HMCN1: variants seen among roughly 807,000 people sequenced by gnomAD.
HMCN1 encodes the protein hemicentin 1.
A neutral mutation model predicts 625.9 loss-of-function variants in HMCN1; 321 were observed. The ratio of observed to expected loss-of-function variants is 0.51; its 90% CI spans 0.47 to 0.56. The LOEUF (loss-of-function observed/expected upper bound fraction) is 0.56. Ranked by LOEUF, HMCN1 falls within the 20% of genes least tolerant of loss-of-function variation. The pLI is 0.00. For missense variants in HMCN1, 6,588 were observed against 6,887.3 expected, an observed-to-expected ratio of 0.96 and a Z score of 1.54; for synonymous variants, 2,425 against 2,417.6, an observed-to-expected ratio of 1.00 and a Z score of -0.09.
chr1:186,169,520 C>T (rs1332897960), intron 100 of HMCN1, among the ~76,000 whole-genome samples: 3 of 152,112 alleles, frequency 2.0e-5, no homozygotes, highest in East Asian at 3.9e-4. Flanking sequence ...GAACAGAGGC[C>T]TCAGAAATAA....
In HMCN1 at chr1:185,864,567, G is replaced by A. The variant is rs146401446; in HGVS notation, c.437G>A (p.Arg146Gln). 8.7e-4 allele frequency: 1,405 copies of A among 1,613,756 alleles called. No homozygotes were observed. The highest frequency in any genetic ancestry group is 1.1e-3 in the Non-Finnish European group (1,244 of 1,179,950). Reference sequence around the variant, plus strand: ...TTCATCTATGTTTTCACTGATGCTCGGTCCAAAGATTACCGGCTCACCCAT... The same window carrying A: ...TTCATCTATGTTTTCACTGATGCTCAGTCCAAAGATTACCGGCTCACCCAT... ...GSFIYVFTDARSKDYRLTHEV... is the reference protein window; with the variant it reads ...GSFIYVFTDAQSKDYRLTHEV... Residue 146 changes from arginine (R) to glutamine (Q), a missense_variant, in exon 3 of 107, where the codon CGG becomes CAG. Transcript: ENST00000271588.
chr1:186,054,328 G>C (rs1657164689), intron 44 of HMCN1, among the ~76,000 whole-genome samples: 1 of 151,884 alleles, frequency 6.6e-6, no homozygotes. Flanking sequence ...TTATTTTAAA[G>C]AATATTTTAC....
At chr1:186,138,200 G>A (rs1175158413) in intron 89 of HMCN1, among the ~76,000 whole-genome samples, 8 of 152,114 alleles carry the variant, frequency 5.3e-5, no homozygotes, top group Admixed American at 5.2e-4. Context: ...CTTGAAGAAA[G>A]GGTCCAAACT....
chr1:186,054,634 G>C (rs1241437515), intron 44 of HMCN1, among the ~76,000 whole-genome samples: 2 of 151,970 alleles, frequency 1.3e-5, no homozygotes, highest in Admixed American at 6.6e-5. Flanking sequence ...AGAATAACTG[G>C]TTGTCAGTGG....
At chr1:186,070,919 A>G (rs186600607) in intron 52 of HMCN1, among the ~76,000 whole-genome samples, 162 bp downstream of exon 52, 14 of 152,276 alleles carry the variant, frequency 9.2e-5, no homozygotes, top group Admixed American at 3.3e-4. Context: ...AAAAAACCCA[A>G]CCAACCTGAA....
At chr1:186,038,103 G>C in intron 37 of HMCN1, 68 bp downstream of exon 37, 1 of 992,366 alleles carries the variant, frequency 1.0e-6, no homozygotes. Context: ...AATTGGTTTT[G>C]AGCATAATAT....
chr1:186,021,982 T>C (rs1023902297), intron 35 of HMCN1, among the ~76,000 whole-genome samples: 6 of 151,902 alleles, frequency 3.9e-5, no homozygotes, highest in African/African-American at 1.5e-4. Flanking sequence ...CAAAGTAGGT[T>C]CCAAAACCTA....
intron 100 of HMCN1, among the ~76,000 whole-genome samples, chr1:186,167,431 A>G (rs1651947420): frequency 6.6e-6 from 1 of 152,158 alleles, no homozygotes. Context: ...CTTCCTCACT[A>G]TCAATATCTC....
chr1:185,827,552 G>A (rs184747387), intron 1 of HMCN1, among the ~76,000 whole-genome samples: 14 of 151,878 alleles, frequency 9.2e-5, no homozygotes, highest in African/African-American at 3.4e-4. Context: ...ATGAATATGA[G>A]GAAAGTGAGC....
chr1:185,939,176 C>T (rs552509297), intron 11 of HMCN1, among the ~76,000 whole-genome samples: 304 of 152,248 alleles, frequency 2.0e-3, no homozygotes, highest in African/African-American at 6.9e-3. Context: ...TCATTACCAA[C>T]TCATCAAAAA....
intron 86 of HMCN1, among the ~76,000 whole-genome samples, chr1:186,134,947 A>G (rs1472222880): frequency 6.6e-6 from 1 of 152,104 alleles, no homozygotes; most frequent in Non-Finnish European, 1.5e-5. Flanking sequence ...GTATGCTGTT[A>G]CTCTTCAGGG....
In HMCN1 at chr1:185,929,194, T is replaced by C. The variant is rs1667423324; in HGVS notation, c.1552+527T>C. On this transcript the variant is annotated intron_variant, in intron 10 of 106. Transcript: ENST00000271588. The stretch of plus-strand genomic sequence containing the variant: ...ATAATGAGCAGAGCACTTTTATGAA[T>C]AGATTCTGACATTTAAATGGAAGAT... Among the ~76,000 whole-genome samples, 5 of 152,160 alleles carry C rather than the reference T, an allele frequency of 3.3e-5. No individual in the cohort carries two copies. In the South Asian group the frequency reaches 8.3e-4, roughly 25 times the overall value.
At chr1:186,118,142 C>T (rs190393002) in intron 77 of HMCN1, among the ~76,000 whole-genome samples, 64 of 151,976 alleles carry the variant, frequency 4.2e-4, no homozygotes, top group African/African-American at 1.2e-3. Context: ...GTGGTAGTAA[C>T]CCTCATTTAT....
intron 3 of HMCN1, 114 bp from the exon 4 acceptor site, chr1:185,865,627 A>AGT: frequency 1.3e-6 from 1 of 752,880 alleles, no homozygotes; most frequent in Non-Finnish European, 2.2e-6. Context: ...ACACACACAC[A>AGT]CACATTCACA....
rs553881045 is a variant in HMCN1, at chr1:186,151,180, G to GT, written c.14609-11dup. On this transcript the variant is annotated intron_variant, in intron 93 of 106. Coordinates refer to ENST00000271588, the MANE Select transcript of HMCN1 (RefSeq NM_031935.3). ...TGAAATTGCATCCTTATCCAGGAAT[G>GT]TTTTTTTTTCCCCCAATAGGTGGGC... 5.7e-4 allele frequency: 907 copies of GT among 1,582,574 alleles called. No individual in the cohort carries two copies. Among genetic ancestry groups the GT allele is most frequent in the Non-Finnish European group, 6.8e-4 (787 of 1,155,242 alleles).
At chr1:185,997,364 G>C (rs1051956925) in intron 24 of HMCN1, 65 bp from the exon 25 acceptor site, 1 of 961,590 alleles carries the variant, frequency 1.0e-6, no homozygotes, top group Admixed American at 1.7e-5. Context: ...GTAGTTAATT[G>C]TGCCTTAGGA....
rs544457047 is a variant in HMCN1, at chr1:186,059,433, G to C, written c.7312+2032G>C. Reference sequence around the variant, plus strand: ...AGGCAAGCTAAAGTGATGTGCTCTAGCTTGTTACAAATTTACAGAAGTGGT... The same window carrying C: ...AGGCAAGCTAAAGTGATGTGCTCTACCTTGTTACAAATTTACAGAAGTGGT... On this transcript the variant is annotated intron_variant, in intron 46 of 106. Coordinates refer to ENST00000271588, the MANE Select transcript of HMCN1 (RefSeq NM_031935.3). 5.3e-5 allele frequency among the ~76,000 whole-genome samples: 8 copies of C among 152,122 alleles called. No homozygotes were observed. In the South Asian group the frequency reaches 1.0e-3, roughly 20 times the overall value.
At chr1:185,810,877 A>T (rs28477118) in intron 1 of HMCN1, among the ~76,000 whole-genome samples, 6,214 of 152,264 alleles carry the variant, frequency 0.041, 416 homozygotes, top group African/African-American at 0.14. Flanking sequence ...TATAAAAAAA[A>T]TTCAGACATT....
chr1:186,137,734 G>C, intron 88 of HMCN1, 66 bp downstream of exon 88: 1 of 1,613,710 alleles, frequency 6.2e-7, no homozygotes, highest in African/African-American at 1.3e-5. Context: ...TTCTACCTAT[G>C]GATTGCCCCA....
Sources: gnomAD v4.1 joint callset for allele counts (sites outside exome capture counted in the v4.1 genomes callset) on GRCh38, gnomAD v4.1.1 for gene constraint, MANE v1.5 for transcripts, NCBI Gene and HGNC (gene_info 2026-07-23, HGNC 2026-07-21) for gene names.